The following CRAMP1 variants were observed in gnomAD, a reference collection of about 807,000 sequenced individuals.
CRAMP1 encodes the protein protein cramped-like.
In CRAMP1, 50 loss-of-function variants were observed where a neutral mutation model predicts 115.4. The ratio of observed to expected loss-of-function variants is 0.43; its 90% CI spans 0.35 to 0.55. The LOEUF is 0.55. CRAMP1 is among the 20% of genes least tolerant of loss of function. CRAMP1 has a pLI of 0.01. For synonymous variants in CRAMP1, 866 were observed against 745.4 expected (o/e 1.16, Z -2.64); for missense variants, 1,679 against 1,721.7 (o/e 0.98, Z 0.44).
At position 1,626,027 on chromosome 16, in the gene CRAMP1, C is replaced by T. The variant is rs1203917411; in HGVS notation, c.401C>T (p.Ala134Val). The T allele has an allele frequency of 3.2e-6, 5 of 1,551,660 alleles. No homozygotes were observed. Among genetic ancestry groups the T allele is most frequent in the Middle Eastern group, 3.3e-4 (2 of 5,992 alleles). The part of the protein sequence containing the change: ...SGNVSGVAPA[A>V]PAGGSRSSSR... Reference sequence around the variant, plus strand: ...AATGTGTCTGGGGTTGCCCCTGCTGCCCCTGCAGGGGGCTCGCGCTCCTCC... The same window carrying T: ...AATGTGTCTGGGGTTGCCCCTGCTGTCCCTGCAGGGGGCTCGCGCTCCTCC... The change falls in exon 3 of 21, where the codon GCC (alanine) becomes GTC (valine). Residue 134 changes from alanine (A) to valine (V), a missense_variant. Transcript: ENST00000397412.
At chr16:1,636,209 A>G (rs1215165970) in intron 4 of CRAMP1, among the ~76,000 whole-genome samples, 1 of 152,154 alleles carries the variant, frequency 6.6e-6, no homozygotes, top group East Asian at 1.9e-4. Flanking sequence ...CGTCTCTACT[A>G]AAAATACAAA....
intron 11 of CRAMP1, 48 bp from the exon 12 acceptor site, chr16:1,662,442 G>A (rs980873053): frequency 1.4e-6 from 2 of 1,476,902 alleles, no homozygotes; most frequent in African/African-American, 2.8e-5. Context: ...CCCTGGACCT[G>A]TTGCTAGGTG....
In CRAMP1 at chr16:1,657,011, A is replaced by T; in HGVS notation, c.2235+19A>T. 1 of 1,487,770 alleles carries T rather than the reference A, an allele frequency of 6.7e-7. No homozygotes were observed. Among genetic ancestry groups the T allele is most frequent in the Non-Finnish European group, 8.9e-7 (1 of 1,119,640 alleles). The allele number at this position is 1,487,770 out of a possible 1,614,324, so 92.2% of individuals were successfully genotyped here. A position where few individuals can be genotyped will look rare whatever the true frequency, so the allele number is the denominator to read the frequency against. Reference sequence around the variant, plus strand: ...CAAGCTGGTGAGTGGGTTGGAGCCCAGCCCCTCTGGCGGCCCAAGGGAAGC... The same window carrying T: ...CAAGCTGGTGAGTGGGTTGGAGCCCTGCCCCTCTGGCGGCCCAAGGGAAGC... On this transcript the variant is annotated intron_variant, in intron 10 of 20. Coordinates refer to ENST00000397412, the MANE Select transcript of CRAMP1 (RefSeq NM_020825.4).
At position 1,656,918 on chromosome 16, in the gene CRAMP1, C is replaced by T. The variant is rs1324822848; in HGVS notation, c.2161C>T (p.Pro721Ser). ...GRQDPRPGSL[P>S]TALHKQRLLS... ...CCAGGACCCCCGCCCCGGCTCCCTA[C>T]CCACCGCCCTCCACAAGCAGCGCCT... Residue 721 changes from proline to serine, a missense_variant, in exon 10 of 21, where the codon CCC becomes TCC. Physicochemically the swap from Pro to Ser is moderately conservative, Grantham distance 74. Coordinates refer to ENST00000397412, the MANE Select transcript of CRAMP1 (RefSeq NM_020825.4). This position sits in a 1 kb window ranked among gnomAD's most constrained non-coding sequence, Gnocchi z 5.6. The T allele has an allele frequency of 1.3e-6, 2 of 1,556,298 alleles. No individual in the cohort carries two copies. Among genetic ancestry groups the T allele is most frequent in the South Asian group, 1.2e-5 (1 of 84,334 alleles).
chr16:1,644,576 T>C (rs1424519277), intron 6 of CRAMP1, among the ~76,000 whole-genome samples: 1 of 152,060 alleles, frequency 6.6e-6, no homozygotes, highest in Non-Finnish European at 1.5e-5. Flanking sequence ...GGAACCTGCC[T>C]GGGGCGTTTA....
At chr16:1,646,003 A>G (rs1175392907) in intron 6 of CRAMP1, among the ~76,000 whole-genome samples, 2 of 152,048 alleles carry the variant, frequency 1.3e-5, no homozygotes, top group African/African-American at 4.8e-5. Context: ...CCTTTTCCAG[A>G]AAGCCATCTA....
At chr16:1,649,460 T>G (rs2036704390) in intron 6 of CRAMP1, among the ~76,000 whole-genome samples, 2 of 145,574 alleles carry the variant, frequency 1.4e-5, no homozygotes, top group African/African-American at 2.7e-5. Context: ...AATTGGGACC[T>G]CACTGTTTGG....
intron 6 of CRAMP1, 77 bp from the exon 7 acceptor site, chr16:1,652,419 C>T (rs1334127790): frequency 4.5e-6 from 6 of 1,335,622 alleles, no homozygotes; most frequent in African/African-American, 2.9e-5. Flanking sequence ...CCTGGCTCAG[C>T]GCCTCTCCGT....
At chr16:1,668,708 T>A (rs2036896736) in intron 18 of CRAMP1, among the ~76,000 whole-genome samples, 1 of 152,192 alleles carries the variant, frequency 6.6e-6, no homozygotes, top group Admixed American at 6.5e-5. Context: ...CTCCCTTTCC[T>A]AAGCGGTAAA....
chr16:1,631,490 T>G (rs2036547997), intron 3 of CRAMP1, among the ~76,000 whole-genome samples: 1 of 152,228 alleles, frequency 6.6e-6, no homozygotes, highest in African/African-American at 2.4e-5. Context: ...AAGTGGTATT[T>G]AGAAACCAAG....
chr16:1,668,253 T>C, intron 18 of CRAMP1, 60 bp downstream of exon 18: 1 of 1,205,950 alleles, frequency 8.3e-7, no homozygotes, highest in East Asian at 2.3e-5. Flanking sequence ...CCTGCCCCAA[T>C]GTTTGCCACA....
At chr16:1,620,589 A>T (rs550356516) in intron 2 of CRAMP1, 1 of 455,814 alleles carries the variant, frequency 2.2e-6, no homozygotes, top group East Asian at 7.0e-5. Context: ...GATGTTAGAG[A>T]TGATGACAGG....
chr16:1,621,971 T>C (rs1251813985), intron 2 of CRAMP1, among the ~76,000 whole-genome samples: 1 of 152,222 alleles, frequency 6.6e-6, no homozygotes, highest in Admixed American at 6.5e-5. Flanking sequence ...TGCTTCTCTG[T>C]CTTCCCCTTC....
At chr16:1,653,670 A>T (rs2036743508) in intron 8 of CRAMP1, among the ~76,000 whole-genome samples, 1 of 151,208 alleles carries the variant, frequency 6.6e-6, no homozygotes, top group Non-Finnish European at 1.5e-5. Context: ...TCTACTAAAA[A>T]TACAAAAAAA....
intron 6 of CRAMP1, among the ~76,000 whole-genome samples, chr16:1,644,870 T>C (rs1282458420): frequency 2.0e-5 from 3 of 152,120 alleles, no homozygotes; most frequent in African/African-American, 7.2e-5. Flanking sequence ...TTTTTCTTTC[T>C]TTCCTTTTTT....
Position 1,656,186 on chromosome 16 carries a change from C to A in CRAMP1, c.1429C>A (p.Pro477Thr). Residue 477 changes from proline to threonine, a missense_variant, in exon 10 of 21, where the codon CCT becomes ACT. Pro to Thr is a conservative substitution (Grantham distance 38). This residue lies in a region of CRAMP1 where 405 missense variants were observed against 302.6 expected (regional missense o/e 1.34). Coordinates refer to ENST00000397412, the MANE Select transcript of CRAMP1 (RefSeq NM_020825.4). The surrounding 1 kb of genome is among the most constrained non-coding windows in gnomAD (Gnocchi z 5.6). ...TGAGGGCAAGGGTGTGGGGCGGCCC[C>A]CTCCTGCGGCTGACGCCTTGCAGAG... is the stretch of plus-strand genomic sequence containing the variant. Reference protein sequence around the residue: ...GAEGKGVGRPPPAADALQSSG... With the variant: ...GAEGKGVGRPTPAADALQSSG... The A allele has an allele frequency of 6.2e-7, 1 of 1,602,014 alleles. No individual in the cohort carries two copies. Among genetic ancestry groups the A allele is most frequent in the Non-Finnish European group, 8.5e-7 (1 of 1,174,816 alleles).
At chr16:1,621,884 C>G (rs1372289039) in intron 2 of CRAMP1, among the ~76,000 whole-genome samples, 2 of 152,162 alleles carry the variant, frequency 1.3e-5, no homozygotes, top group Non-Finnish European at 2.9e-5. Context: ...GTGTCCTGCA[C>G]CCAGAGAAGC....
intron 4 of CRAMP1, 144 bp downstream of exon 4, chr16:1,632,509 G>A (rs1269108033): frequency 3.6e-6 from 3 of 842,154 alleles, no homozygotes; most frequent in Non-Finnish European, 5.4e-6. Context: ...GCCTTGCAGC[G>A]CTTTGGCTGA....
chr16:1,657,416 T>G (rs1217741780), intron 10 of CRAMP1, among the ~76,000 whole-genome samples: 1 of 152,190 alleles, frequency 6.6e-6, no homozygotes, highest in Non-Finnish European at 1.5e-5. Context: ...AGGGACAGTG[T>G]GCACAGGACC....
Sources: allele counts gnomAD v4.1 joint callset (sites outside exome capture counted in the v4.1 genomes callset), GRCh38; gene constraint gnomAD v4.1.1; regional missense constraint gnomAD v4.1.1; non-coding constraint Gnocchi (gnomAD v3.1); transcripts MANE v1.5; gene names NCBI Gene and HGNC (gene_info 2026-07-23, HGNC 2026-07-21).